The following SORCS2 variants were observed in gnomAD, a reference collection of about 807,000 sequenced individuals.
The protein encoded by SORCS2 is sortilin related VPS10 domain containing receptor 2, also known as VPS10 domain-containing receptor SorCS2.
Under a neutral mutation model 141.6 loss-of-function variants are expected in SORCS2, and 100 were observed. The observed-to-expected ratio is 0.71, with a 90% CI of 0.60 to 0.83. The LOEUF (loss-of-function observed/expected upper bound fraction) is 0.83. Ranked by LOEUF, SORCS2 falls within the 40% of genes least tolerant of loss-of-function variation. The probability of loss-of-function intolerance (pLI) is 0.00; values close to 1 mark genes in which losing one functional copy is unlikely to be tolerated. For missense variants in SORCS2, 1,646 were observed against 1,560.2 expected (o/e 1.05, Z -0.93); for synonymous variants, 789 against 676.9 (o/e 1.17, Z -2.57).
intron 2 of SORCS2, among the ~76,000 whole-genome samples, chr4:7,470,628 C>T (rs1363209085): frequency 6.7e-6 from 1 of 149,490 alleles, no homozygotes; most frequent in Non-Finnish European, 1.5e-5. Context: ...ATGGTCTGGG[C>T]GAGGATTGGA....
intron 1 of SORCS2, among the ~76,000 whole-genome samples, chr4:7,289,768 C>T (rs185998938): frequency 3.0e-4 from 45 of 152,334 alleles, no homozygotes; most frequent in Admixed American, 2.4e-3. Context: ...CAGAGGCGGA[C>T]GTGGGTGAAC....
rs1716450234 is a variant in SORCS2 at position 7,289,266 on chromosome 4, C to CTT, written c.480+96142_480+96143dup. Among the ~76,000 whole-genome samples, 3 of 152,036 alleles carry CTT rather than the reference C, an allele frequency of 2.0e-5. No individual in the cohort carries two copies. In the South Asian group the frequency reaches 6.2e-4, roughly 32 times the overall value. ...CTCTACCTGGAAGACCCTCCTTTGC[C>CTT]TTTGTCTGGCTCACTTCTTCTCCCT... is the stretch of plus-strand genomic sequence containing the variant. On this transcript the variant is annotated intron_variant, in intron 1 of 26. Coordinates refer to ENST00000507866, the MANE Select transcript of SORCS2 (RefSeq NM_020777.3).
Position 7,609,029 on chromosome 4 carries a change from C to T in SORCS2, c.649-29299C>T, listed in dbSNP as rs114220503. 8.8e-3 allele frequency among the ~76,000 whole-genome samples: 1,333 copies of T among 152,066 alleles called. 31 individuals are homozygous for T. Among genetic ancestry groups the T allele is most frequent in the African/African-American group, 0.031 (1,271 of 41,470 alleles). On this transcript the variant is annotated intron_variant, in intron 3 of 26. Transcript: ENST00000507866. ...ATAGGGGTGAACATGAGGTTCTGAG[C>T]GGTCCTGGGGAGTCTCAGGCAGTCC... is the stretch of plus-strand genomic sequence containing the variant.
At chr4:7,317,595 G>A (rs1190753482) in intron 1 of SORCS2, among the ~76,000 whole-genome samples, 2 of 152,180 alleles carry the variant, frequency 1.3e-5, no homozygotes, top group East Asian at 1.9e-4. Flanking sequence ...ATGGGCCTGC[G>A]GCACCTCTGG....
At chr4:7,387,460 CAG>C (rs1723451861) in intron 1 of SORCS2, among the ~76,000 whole-genome samples, 1 of 145,040 alleles carries the variant, frequency 6.9e-6, no homozygotes, top group African/African-American at 2.6e-5. Context: ...CATGCACACA[CAG>C]ATACAGAGAT....
At chr4:7,707,311 A>C (rs955998487) in intron 14 of SORCS2, among the ~76,000 whole-genome samples, 2 of 152,170 alleles carry the variant, frequency 1.3e-5, no homozygotes, top group African/African-American at 4.8e-5. Flanking sequence ...CACTCAGAGG[A>C]CACCTAGTCT....
chr4:7,594,442 C>A (rs1717125505), intron 3 of SORCS2, among the ~76,000 whole-genome samples: 1 of 152,250 alleles, frequency 6.6e-6, no homozygotes, highest in Non-Finnish European at 1.5e-5. Context: ...GAAGGGTAAG[C>A]TTCTTGCTTG....
At chr4:7,464,781 T>C (rs1729514546) in intron 2 of SORCS2, among the ~76,000 whole-genome samples, 1 of 152,204 alleles carries the variant, frequency 6.6e-6, no homozygotes, top group Non-Finnish European at 1.5e-5. Context: ...CTTCCGGCAC[T>C]ATGGAATGTA....
intron 5 of SORCS2, among the ~76,000 whole-genome samples, chr4:7,655,579 T>C (rs10018220): frequency 0.15 from 22,180 of 152,252 alleles, 2,995 homozygotes; most frequent in African/African-American, 0.36. Context: ...GGAATGCCGA[T>C]GGCTGGTGTA....
chr4:7,353,918 C>T (rs1400814495), intron 1 of SORCS2, among the ~76,000 whole-genome samples: 1 of 152,192 alleles, frequency 6.6e-6, no homozygotes, highest in Non-Finnish European at 1.5e-5. Context: ...ATATTTAAAA[C>T]TCAAGGATGC....
At chr4:7,740,059 C>T (rs1712533078) in intron 26 of SORCS2, 141 bp from the exon 27 acceptor site, 1 of 680,574 alleles carries the variant, frequency 1.5e-6, no homozygotes, top group Non-Finnish European at 2.6e-6. Flanking sequence ...ACCCCCTGCA[C>T]CTGCACGGGC....
At chr4:7,407,868 A>G (rs1202993036) in intron 2 of SORCS2, among the ~76,000 whole-genome samples, 1 of 152,068 alleles carries the variant, frequency 6.6e-6, no homozygotes, top group African/African-American at 2.4e-5. Context: ...TATGGTTATC[A>G]TGAGGCTTAT....
intron 5 of SORCS2, among the ~76,000 whole-genome samples, chr4:7,654,471 G>A (rs113232314): frequency 0.013 from 2,040 of 152,294 alleles, 31 homozygotes; most frequent in Non-Finnish European, 0.023. Context: ...CTCAGGCCAC[G>A]TTTTTACCCA....
intron 1 of SORCS2, among the ~76,000 whole-genome samples, chr4:7,388,069 CAG>C (rs1381801669): frequency 9.3e-5 from 14 of 150,476 alleles, no homozygotes; most frequent in Middle Eastern, 6.9e-3. Flanking sequence ...TACAGTTACA[CAG>C]AGATACACAC....
At chr4:7,672,973 C>T (rs1287159081) in intron 8 of SORCS2, among the ~76,000 whole-genome samples, 1 of 152,202 alleles carries the variant, frequency 6.6e-6, no homozygotes, top group Non-Finnish European at 1.5e-5. Flanking sequence ...TTTCCTTCCG[C>T]ATATTTCTCC....
chr4:7,574,892 C>T (rs1715646533), intron 3 of SORCS2, among the ~76,000 whole-genome samples: 1 of 152,242 alleles, frequency 6.6e-6, no homozygotes, highest in Non-Finnish European at 1.5e-5. Context: ...CTCCTCTTTA[C>T]ACCGCCCATT....
intron 12 of SORCS2, among the ~76,000 whole-genome samples, chr4:7,700,815 A>C (rs997104100): frequency 1.3e-5 from 2 of 152,130 alleles, no homozygotes; most frequent in African/African-American, 4.8e-5. Flanking sequence ...CTGCGACCCC[A>C]CCACCCACAA....
intron 1 of SORCS2, among the ~76,000 whole-genome samples, chr4:7,206,362 A>T (rs909075024): frequency 6.6e-6 from 1 of 152,170 alleles, no homozygotes; most frequent in African/African-American, 2.4e-5. Context: ...AGGAGCTAGC[A>T]GGAGGTCATG....
At chr4:7,342,612 C>T (rs1720428364) in intron 1 of SORCS2, among the ~76,000 whole-genome samples, 1 of 152,054 alleles carries the variant, frequency 6.6e-6, no homozygotes, top group African/African-American at 2.4e-5. Flanking sequence ...GACCTTGGGG[C>T]CCGGCCTGCT....
Sources: gnomAD v4.1 joint callset for allele counts (sites outside exome capture counted in the v4.1 genomes callset) on GRCh38, gnomAD v4.1.1 for gene constraint, MANE v1.5 for transcripts, NCBI Gene and HGNC (gene_info 2026-07-23, HGNC 2026-07-21) for gene names.